The following PCDH15 variants were observed in gnomAD, a reference collection of about 807,000 sequenced individuals.
PCDH15 encodes protocadherin related 15.
In PCDH15, 129 loss-of-function variants were observed where a neutral mutation model predicts 178.5. The observed-to-expected ratio is 0.72, with a 90% CI of 0.63 to 0.84. The LOEUF (loss-of-function observed/expected upper bound fraction) is 0.84. Ranked by LOEUF, PCDH15 falls within the 40% of genes least tolerant of loss-of-function variation. The pLI is 0.00. For synonymous variants in PCDH15, 800 were observed against 732.0 expected (o/e 1.09, Z -1.50); for missense variants, 2,230 against 2,099.9 (o/e 1.06, Z -1.21).
intron 2 of PCDH15, among the ~76,000 whole-genome samples, chr10:55,001,677 C>T (rs1839798141): frequency 6.6e-6 from 1 of 152,148 alleles, no homozygotes; most frequent in South Asian, 2.1e-4. Context: ...CCTCACTGAT[C>T]CCTGCCTGGC....
In PCDH15 at chr10:53,804,973, C is replaced by T. The variant is rs1217992558; in HGVS notation, c.*1606G>A. The stretch of plus-strand genomic sequence containing the variant: ...GTTTTTTTGGCAAGGGTATGGAATG[C>T]ATTAATTCTCAATAAAATAAGGTAG... On this transcript the variant is annotated 3_prime_UTR_variant, in exon 38 of 38. Coordinates refer to ENST00000644397, the MANE Select transcript of PCDH15 (RefSeq NM_001384140.1). 2 of 151,622 alleles carry T rather than the reference C, an allele frequency of 1.3e-5. No homozygotes were observed. Among genetic ancestry groups the T allele is most frequent in the African/African-American group, 4.8e-5 (2 of 41,294 alleles). 9.4% of individuals were successfully genotyped at this position (151,622 alleles called of 1,614,324 possible). A position where few individuals can be genotyped will look rare whatever the true frequency, so the allele number is the denominator to read the frequency against.
At chr10:55,485,831 T>G (rs1840282870) in intron 2 of PCDH15, among the ~76,000 whole-genome samples, 1 of 151,744 alleles carries the variant, frequency 6.6e-6, no homozygotes, top group Non-Finnish European at 1.5e-5. Flanking sequence ...GAAGAGATAC[T>G]TGCATTCCAA....
At chr10:55,283,362 C>T (rs1466384055) in intron 1 of PCDH15, among the ~76,000 whole-genome samples, 1 of 151,898 alleles carries the variant, frequency 6.6e-6, no homozygotes, top group African/African-American at 2.4e-5. Context: ...ACCAAAGTAT[C>T]CTTAAAAACT....
At chr10:54,987,386 C>T (rs1426846914) in intron 2 of PCDH15, among the ~76,000 whole-genome samples, 1 of 152,088 alleles carries the variant, frequency 6.6e-6, no homozygotes, top group Non-Finnish European at 1.5e-5. Flanking sequence ...TAGCCAGTAA[C>T]AGGATTGCTG....
At chr10:54,823,257 A>G (rs1006403903) in intron 3 of PCDH15, among the ~76,000 whole-genome samples, 4 of 151,594 alleles carry the variant, frequency 2.6e-5, no homozygotes, top group African/African-American at 9.7e-5. Context: ...ATATACATTT[A>G]ATTTTCACTT....
At chr10:55,259,118 TA>T (rs1175355405) in intron 1 of PCDH15, among the ~76,000 whole-genome samples, 1 of 152,192 alleles carries the variant, frequency 6.6e-6, no homozygotes, top group Non-Finnish European at 1.5e-5. Context: ...ATTGTCTCAC[TA>T]ATCAGCTTTC....
intron 3 of PCDH15, among the ~76,000 whole-genome samples, chr10:54,866,284 AC>A (rs1436184038): frequency 6.6e-6 from 1 of 152,194 alleles, no homozygotes; most frequent in Non-Finnish European, 1.5e-5. Flanking sequence ...ATTTATGCCA[AC>A]TATTAAAAGT....
chr10:54,092,179 G>A (rs2136072477), intron 15 of PCDH15, among the ~76,000 whole-genome samples: 1 of 152,144 alleles, frequency 6.6e-6, no homozygotes, highest in East Asian at 1.9e-4. Flanking sequence ...ACACTTTGAG[G>A]GCTCACTCTT....
At chr10:55,542,506 C>T (rs1841788145) in intron 2 of PCDH15, among the ~76,000 whole-genome samples, 1 of 150,356 alleles carries the variant, frequency 6.7e-6, no homozygotes, top group Non-Finnish European at 1.5e-5. Flanking sequence ...TACATATGTA[C>T]AGTATGTATA....
chr10:54,562,977 C>A (rs1339705089), intron 2 of PCDH15, among the ~76,000 whole-genome samples: 1 of 151,972 alleles, frequency 6.6e-6, no homozygotes, highest in African/African-American at 2.4e-5. Flanking sequence ...CTTTTAGGAG[C>A]AATACGGAAC....
At chr10:55,215,059 T>C (rs1840669261) in intron 1 of PCDH15, among the ~76,000 whole-genome samples, 1 of 152,096 alleles carries the variant, frequency 6.6e-6, no homozygotes, top group African/African-American at 2.4e-5. Flanking sequence ...AATTCTTATG[T>C]AGGATTTAAG....
intron 2 of PCDH15, among the ~76,000 whole-genome samples, chr10:55,113,795 C>A (rs138507055): frequency 3.0e-3 from 458 of 152,232 alleles, no homozygotes; most frequent in Non-Finnish European, 5.3e-3. Context: ...GCCCACAGTC[C>A]TGGTGGACAA....
intron 3 of PCDH15, among the ~76,000 whole-genome samples, chr10:54,813,911 C>G (rs1269627224): frequency 1.3e-5 from 2 of 152,070 alleles, no homozygotes; most frequent in African/African-American, 4.8e-5. Flanking sequence ...TTCCACTCTC[C>G]TCTTGTCTAC....
chr10:55,544,139 CATATAT>C (rs1176456895), intron 2 of PCDH15, among the ~76,000 whole-genome samples: 589 of 54,312 alleles, frequency 0.011, 9 homozygotes, highest in Non-Finnish European at 0.016. Flanking sequence ...CTTATACATA[CATATAT>C]ATATATATAT....
At chr10:54,550,130 T>C (rs2086386821) in intron 2 of PCDH15, among the ~76,000 whole-genome samples, 2 of 152,198 alleles carry the variant, frequency 1.3e-5, no homozygotes, top group Non-Finnish European at 1.5e-5. Context: ...TCTTATCTTA[T>C]CTGATTGTTG....
At chr10:55,374,053 A>G (rs1436618430) in intron 2 of PCDH15, among the ~76,000 whole-genome samples, 2 of 150,954 alleles carry the variant, frequency 1.3e-5, no homozygotes, top group Non-Finnish European at 2.9e-5. Flanking sequence ...ACACACCTGC[A>G]CGTTCTGCAC....
intron 2 of PCDH15, among the ~76,000 whole-genome samples, chr10:55,377,260 T>C (rs951292057): frequency 8.6e-5 from 13 of 151,744 alleles, no homozygotes; most frequent in African/African-American, 3.1e-4. Context: ...GAAACATTAA[T>C]AATTCTACAA....
intron 2 of PCDH15, among the ~76,000 whole-genome samples, chr10:55,118,339 C>A (rs371420201): frequency 6.6e-6 from 1 of 152,122 alleles, no homozygotes; most frequent in Non-Finnish European, 1.5e-5. Context: ...ATCTGTCAGG[C>A]GAATGTAAGT....
intron 2 of PCDH15, among the ~76,000 whole-genome samples, chr10:55,612,183 T>C (rs756198455): frequency 4.6e-5 from 7 of 152,110 alleles, no homozygotes; most frequent in Non-Finnish European, 1.0e-4. Flanking sequence ...TTAAGTGTTC[T>C]CACCATAAAG....
Sources: gnomAD v4.1 joint callset for allele counts (sites outside exome capture counted in the v4.1 genomes callset) on GRCh38, gnomAD v4.1.1 for gene constraint, MANE v1.5 for transcripts, NCBI Gene and HGNC (gene_info 2026-07-23, HGNC 2026-07-21) for gene names.